Variants in WDPCP observed in about 807,000 individuals in gnomAD.
The protein encoded by WDPCP is WD repeat-containing and planar cell polarity effector protein fritz homolog.
A neutral mutation model predicts 93.1 loss-of-function variants in WDPCP; 71 were observed. That is an observed-to-expected ratio of 0.76 (90% CI 0.63 to 0.93). The LOEUF (loss-of-function observed/expected upper bound fraction) is 0.93, where lower values mean the gene tolerates loss of function less well. WDPCP is among the 40% of genes least tolerant of loss of function. The pLI is 0.00. For missense variants in WDPCP, 844 were observed against 887.4 expected (o/e 0.95, Z 0.62); for synonymous variants, 315 against 315.0 (o/e 1.00, Z 0.00).
chr2:63,389,685 TA>T (rs747457218), intron 10 of WDPCP, among the ~76,000 whole-genome samples: 6 of 151,756 alleles, frequency 4.0e-5, no homozygotes, highest in Non-Finnish European at 8.8e-5. Context: ...AGGCTCAAAA[TA>T]AAGGGATGGA....
At chr2:63,185,598 TGAAGCCAGG>T (rs1674571978) in intron 14 of WDPCP, among the ~76,000 whole-genome samples, 1 of 152,176 alleles carries the variant, frequency 6.6e-6, no homozygotes, top group South Asian at 2.1e-4. Context: ...TGACCTCCTG[TGAAGCCAGG>T]GTTATAGGTC....
chr2:63,498,347 T>C (rs1277094591), intron 1 of WDPCP, among the ~76,000 whole-genome samples: 3 of 152,206 alleles, frequency 2.0e-5, no homozygotes, highest in African/African-American at 7.2e-5. Flanking sequence ...GACTGCTCTT[T>C]TTTATACAGG....
chr2:63,402,487 A>G (rs1694230823), intron 10 of WDPCP, among the ~76,000 whole-genome samples: 1 of 152,228 alleles, frequency 6.6e-6, no homozygotes, highest in Admixed American at 6.5e-5. Flanking sequence ...TAAAATAAAA[A>G]TAAAAATAAA....
chr2:63,483,965 A>C (rs564869043), intron 6 of WDPCP, among the ~76,000 whole-genome samples: 45 of 152,112 alleles, frequency 3.0e-4, no homozygotes, highest in African/African-American at 1.0e-3. Context: ...ACTATTGTCC[A>C]ATAGAACTGT....
intron 5 of WDPCP, 43 bp from the exon 6 acceptor site, chr2:63,484,706 C>T (rs1255095544): frequency 6.2e-7 from 1 of 1,610,654 alleles, no homozygotes; most frequent in African/African-American, 1.3e-5. Flanking sequence ...TGGCTGTACA[C>T]ATTGTCATTA....
At chr2:63,394,521 A>C (rs1693551526) in intron 10 of WDPCP, among the ~76,000 whole-genome samples, 1 of 152,120 alleles carries the variant, frequency 6.6e-6, no homozygotes, top group Non-Finnish European at 1.5e-5. Context: ...ATTCAACCCA[A>C]CAATCTCATT....
At chr2:63,510,908 G>A (rs1039953290) in intron 1 of WDPCP, among the ~76,000 whole-genome samples, 2 of 152,096 alleles carry the variant, frequency 1.3e-5, no homozygotes, top group African/African-American at 4.8e-5. Flanking sequence ...CCTGAGAGGT[G>A]GAGGTTACAG....
At chr2:63,232,885 G>A (rs959501616) in intron 14 of WDPCP, 6 of 183,248 alleles carry the variant, frequency 3.3e-5, no homozygotes, top group South Asian at 2.5e-4. Context: ...CTGGTTGTAC[G>A]GGAGGAATAT....
chr2:63,839,567 A>G, the WDPCP span, among the ~76,000 whole-genome samples: 1 of 152,256 alleles, frequency 6.6e-6, no homozygotes, highest in Non-Finnish European at 1.5e-5. Flanking sequence ...CAAAACAAAA[A>G]CAAAAACAAA....
intron 17 of WDPCP, among the ~76,000 whole-genome samples, chr2:63,129,532 C>T (rs757843729): frequency 3.3e-5 from 5 of 152,128 alleles, no homozygotes; most frequent in Non-Finnish European, 5.9e-5. Context: ...TGTAGTTTCT[C>T]GTTGTGGTTT....
At chr2:63,455,725 A>G (rs973483089) in intron 6 of WDPCP, among the ~76,000 whole-genome samples, 1 of 152,206 alleles carries the variant, frequency 6.6e-6, no homozygotes, top group South Asian at 2.1e-4. Context: ...CTCCAACACA[A>G]TAATAGTAGG....
At chr2:63,439,237 A>G (rs1230127187) in intron 7 of WDPCP, among the ~76,000 whole-genome samples, 1 of 152,144 alleles carries the variant, frequency 6.6e-6, no homozygotes, top group Non-Finnish European at 1.5e-5. Context: ...TTACAGACTG[A>G]TTGAGATGTC....
chr2:63,386,303 A>G (rs1692724819), intron 10 of WDPCP, among the ~76,000 whole-genome samples: 1 of 152,130 alleles, frequency 6.6e-6, no homozygotes, highest in East Asian at 1.9e-4. Flanking sequence ...TCACAATACA[A>G]GTATCTTACA....
chr2:63,732,954 G>T (rs1248363278), intron 2 of WDPCP, among the ~76,000 whole-genome samples: 1 of 152,128 alleles, frequency 6.6e-6, no homozygotes, highest in South Asian at 2.1e-4. Context: ...CAGTACTGGA[G>T]AACTGGGCAA....
At chr2:63,669,028 A>G (rs1396979843) in intron 2 of WDPCP, among the ~76,000 whole-genome samples, 1 of 152,216 alleles carries the variant, frequency 6.6e-6, no homozygotes, top group African/African-American at 2.4e-5. Flanking sequence ...TACACAAAAC[A>G]CTAACACTTA....
chr2:63,393,592 CAA>C, intron 10 of WDPCP, among the ~76,000 whole-genome samples: 1 of 149,628 alleles, frequency 6.7e-6, no homozygotes, highest in South Asian at 2.2e-4. Context: ...CATATGGAAC[CAA>C]AAAAAGAGTC....
chr2:63,348,073 CA>C (rs1229358962), intron 12 of WDPCP, among the ~76,000 whole-genome samples: 1 of 152,128 alleles, frequency 6.6e-6, no homozygotes, highest in Non-Finnish European at 1.5e-5. Flanking sequence ...GCCACAAACA[CA>C]ATGATAATAG....
At chr2:63,647,095 T>C (rs959794520) in intron 3 of WDPCP, among the ~76,000 whole-genome samples, 1 of 152,156 alleles carries the variant, frequency 6.6e-6, no homozygotes, top group African/African-American at 2.4e-5. Flanking sequence ...TTCATTGTTT[T>C]TTCTTCTTTT....
At chr2:63,722,052 G>A (rs2103791434) in intron 2 of WDPCP, among the ~76,000 whole-genome samples, 1 of 152,242 alleles carries the variant, frequency 6.6e-6, no homozygotes, top group East Asian at 1.9e-4. Context: ...CCAGGCTGGA[G>A]TGCAGTGGCG....
Sources: allele counts gnomAD v4.1 joint callset (sites outside exome capture counted in the v4.1 genomes callset), GRCh38; gene constraint gnomAD v4.1.1; transcripts MANE v1.5; gene names NCBI Gene and HGNC (gene_info 2026-07-23, HGNC 2026-07-21).